The following AGAP1 variants were observed in gnomAD, a reference collection of about 807,000 sequenced individuals.
AGAP1 encodes the protein arf-GAP with GTPase, ANK repeat and PH domain-containing protein 1.
Under a neutral mutation model 105.3 loss-of-function variants are expected in AGAP1, and 29 were observed. That is an observed-to-expected ratio of 0.28 (90% CI 0.21 to 0.38). AGAP1 has a LOEUF of 0.38. Ranked by LOEUF, AGAP1 falls within the 10% of genes least tolerant of loss-of-function variation. The pLI is 1.00. For missense variants in AGAP1, 998 were observed against 1,165.1 expected, an observed-to-expected ratio of 0.86 and a Z score of 2.09; for synonymous variants, 509 against 485.9, an observed-to-expected ratio of 1.05 and a Z score of -0.63.
In AGAP1 at chr2:235,664,457, A is replaced by G. The variant is rs1948063893; in HGVS notation, c.164-44722A>G. On this transcript the variant is annotated intron_variant, in intron 1 of 17. Coordinates refer to ENST00000304032, the MANE Select transcript of AGAP1 (RefSeq NM_001037131.3). The surrounding 1 kb of genome is among the most constrained non-coding windows in gnomAD (Gnocchi z 5.7). Reference sequence around the variant, plus strand: ...GGTCTCAAACTCCTGATCTCAGGTGATCCACCTGCCTTGGCCTCCCAAAGT... The same window carrying G: ...GGTCTCAAACTCCTGATCTCAGGTGGTCCACCTGCCTTGGCCTCCCAAAGT... Among the ~76,000 whole-genome samples the G allele has an allele frequency of 6.6e-6, 1 of 152,112 alleles. No homozygotes were observed. Among genetic ancestry groups the G allele is most frequent in the African/African-American group, 2.4e-5 (1 of 41,418 alleles).
At chr2:236,116,965 A>G (rs998026189) in intron 16 of AGAP1, among the ~76,000 whole-genome samples, 11 of 152,116 alleles carry the variant, frequency 7.2e-5, no homozygotes, top group Non-Finnish European at 1.5e-4. Context: ...ATTCCGTCGT[A>G]TATGTATATA....
chr2:235,520,691 A>G (rs865947255), intron 1 of AGAP1, among the ~76,000 whole-genome samples: 5 of 152,122 alleles, frequency 3.3e-5, no homozygotes, highest in African/African-American at 1.2e-4. Flanking sequence ...GTTTAAGATG[A>G]GATAATTCTA....
chr2:235,923,499 T>C (rs1354622816), intron 11 of AGAP1, among the ~76,000 whole-genome samples: 2 of 148,546 alleles, frequency 1.3e-5, no homozygotes, highest in African/African-American at 5.0e-5. Context: ...GACCCCTTCC[T>C]GTCCCGTGCA....
intron 16 of AGAP1, among the ~76,000 whole-genome samples, chr2:236,097,317 C>CG (rs1467996895): frequency 1.2e-3 from 182 of 149,570 alleles, no homozygotes; most frequent in African/African-American, 4.4e-3. Flanking sequence ...AGCAAAGGAG[C>CG]ACCAGATTCT....
intron 6 of AGAP1, among the ~76,000 whole-genome samples, chr2:235,778,684 T>C (rs1956066540): frequency 6.6e-6 from 1 of 152,180 alleles, no homozygotes; most frequent in African/African-American, 2.4e-5. Context: ...CTGGTGATGA[T>C]AGAGGTCCTG....
chr2:235,935,618 A>G (rs899256092), intron 12 of AGAP1, among the ~76,000 whole-genome samples: 1 of 152,204 alleles, frequency 6.6e-6, no homozygotes, highest in African/African-American at 2.4e-5. Flanking sequence ...CCACCAACTT[A>G]TAATCCTGGG....
Position 235,951,714 on chromosome 2 carries a change from C to T in AGAP1, c.1484-16748C>T, listed in dbSNP as rs1173829724. On this transcript the variant is annotated intron_variant, in intron 12 of 17. Coordinates refer to ENST00000304032, the MANE Select transcript of AGAP1 (RefSeq NM_001037131.3). The surrounding 1 kb of genome is among the most constrained non-coding windows in gnomAD (Gnocchi z 4.2). ...GGGAATCGCTTGTTGTCTGTTGGTA[C>T]AAAATAAACATTTCCTCCTATCCTG... Among the ~76,000 whole-genome samples, 1 of 152,142 alleles carries T rather than the reference C, an allele frequency of 6.6e-6. No homozygotes were observed. The highest frequency in any genetic ancestry group is 2.4e-5 in the African/African-American group (1 of 41,424).
At chr2:235,851,881 C>T (rs1293314272) in intron 9 of AGAP1, among the ~76,000 whole-genome samples, 4 of 152,184 alleles carry the variant, frequency 2.6e-5, no homozygotes, top group African/African-American at 9.7e-5. Context: ...TGGCGACAAG[C>T]AGTAAGGAAA....
chr2:235,803,195 G>A (rs1957667992), intron 8 of AGAP1, among the ~76,000 whole-genome samples: 2 of 141,128 alleles, frequency 1.4e-5, no homozygotes, highest in South Asian at 4.7e-4. Context: ...TGATGGTTGT[G>A]GTGGTAGTGG....
chr2:235,907,156 A>G (rs142606615), intron 10 of AGAP1, among the ~76,000 whole-genome samples: 215 of 152,356 alleles, frequency 1.4e-3, no homozygotes, highest in Non-Finnish European at 2.1e-3. Context: ...TCCCTGAGAC[A>G]GAGGCTTCCG....
rs928801512 is a variant in AGAP1 at position 236,119,739 on chromosome 2, G to A, written c.2115-453G>A. 6.6e-6 allele frequency among the ~76,000 whole-genome samples: 1 copy of A among 152,204 alleles called. No individual in the cohort carries two copies. Among genetic ancestry groups the A allele is most frequent in the Non-Finnish European group, 1.5e-5 (1 of 68,044 alleles). Reference sequence around the variant, plus strand: ...CATCGTGCTGGTCCCAGGCAGTAGGGTGGTTTCCCCTGTGCATCGGTGTGT... The same window carrying A: ...CATCGTGCTGGTCCCAGGCAGTAGGATGGTTTCCCCTGTGCATCGGTGTGT... On this transcript the variant is annotated intron_variant, in intron 16 of 17. Coordinates refer to ENST00000304032, the MANE Select transcript of AGAP1 (RefSeq NM_001037131.3). The surrounding 1 kb of genome is among the most constrained non-coding windows in gnomAD (Gnocchi z 6.6).
chr2:235,952,610 T>TTA (rs1553688077), intron 12 of AGAP1, among the ~76,000 whole-genome samples: 123 of 152,062 alleles, frequency 8.1e-4, no homozygotes, highest in African/African-American at 2.8e-3. Context: ...TGTTTTTTTT[T>TTA]AAAAAAAACT....
Position 235,663,425 on chromosome 2 carries a change from A to AT in AGAP1, c.164-45754_164-45753insT, listed in dbSNP as rs1467727962. Reference sequence around the variant, plus strand: ...TTTTGTTTTCTACATTTAGAGGAAAAATATACATCAAATATTCAAGTCCCC... The same window carrying AT: ...TTTTGTTTTCTACATTTAGAGGAAAATATATACATCAAATATTCAAGTCCCC... On this transcript the variant is annotated intron_variant, in intron 1 of 17. Coordinates refer to ENST00000304032, the MANE Select transcript of AGAP1 (RefSeq NM_001037131.3). The surrounding 1 kb of genome is among the most constrained non-coding windows in gnomAD (Gnocchi z 5.4). Among the ~76,000 whole-genome samples, 1 of 152,198 alleles carries AT rather than the reference A, an allele frequency of 6.6e-6. No individual in the cohort carries two copies. The highest frequency in any genetic ancestry group is 1.5e-5 in the Non-Finnish European group (1 of 68,032).
In AGAP1 at chr2:235,875,221, G is replaced by T. The variant is rs1207186181; in HGVS notation, c.1051-8124G>T. ...CCTGTTTCTGTATCTGCCAACCAGA[G>T]AGCAACTCCCGTTGTTTGTTTTCAC... On this transcript the variant is annotated intron_variant, in intron 9 of 17. Coordinates refer to ENST00000304032, the MANE Select transcript of AGAP1 (RefSeq NM_001037131.3). The surrounding 1 kb of genome is among the most constrained non-coding windows in gnomAD (Gnocchi z 4.0). Among the ~76,000 whole-genome samples the T allele has an allele frequency of 6.6e-6, 1 of 152,206 alleles. No homozygotes were observed. Among genetic ancestry groups the T allele is most frequent in the African/African-American group, 2.4e-5 (1 of 41,442 alleles).
At position 235,905,243 on chromosome 2, in the gene AGAP1, A is replaced by G. The variant is rs916552668; in HGVS notation, c.1156-3495A>G. 6.6e-5 allele frequency among the ~76,000 whole-genome samples: 10 copies of G among 152,248 alleles called. No homozygotes were observed. The highest frequency in any genetic ancestry group is 1.0e-4 in the Non-Finnish European group (7 of 68,048). The stretch of plus-strand genomic sequence containing the variant: ...TAGAGCCCATAAGCAATAAATGCTC[A>G]ATTACACTCCTGTTATTGTATTTTA... On this transcript the variant is annotated intron_variant, in intron 10 of 17. Coordinates refer to ENST00000304032, the MANE Select transcript of AGAP1 (RefSeq NM_001037131.3). This position sits in a 1 kb window ranked among gnomAD's most constrained non-coding sequence, Gnocchi z 4.2.
In AGAP1 at chr2:235,789,319, A is replaced by T. The variant is rs181872025; in HGVS notation, c.674-8440A>T. 1.3e-5 allele frequency among the ~76,000 whole-genome samples: 2 copies of T among 152,292 alleles called. No homozygotes were observed. Among genetic ancestry groups the T allele is most frequent in the Non-Finnish European group, 2.9e-5 (2 of 68,028 alleles). On this transcript the variant is annotated intron_variant, in intron 6 of 17. Transcript: ENST00000304032. This position sits in a 1 kb window ranked among gnomAD's most constrained non-coding sequence, Gnocchi z 4.2. Reference sequence around the variant, plus strand: ...TCTGAAATTAACGTCAGCAGCCTTGACTTTGCTCTGTCCTGAAGGTAACTG... The same window carrying T: ...TCTGAAATTAACGTCAGCAGCCTTGTCTTTGCTCTGTCCTGAAGGTAACTG...
At chr2:235,598,444 G>A (rs549980360) in intron 1 of AGAP1, among the ~76,000 whole-genome samples, 31 of 152,278 alleles carry the variant, frequency 2.0e-4, no homozygotes, top group African/African-American at 7.5e-4. Context: ...TAAGCCATAG[G>A]AGCTTAACTC....
Position 235,631,900 on chromosome 2 carries a change from C to A in AGAP1, c.164-77279C>A, listed in dbSNP as rs1401766465. Among the ~76,000 whole-genome samples the A allele has an allele frequency of 6.6e-6, 1 of 152,162 alleles. No individual in the cohort carries two copies. The highest frequency in any genetic ancestry group is 1.9e-4 in the East Asian group (1 of 5,176). Reference sequence around the variant, plus strand: ...AGCTTCTGGAAGGCCTGCCTTTGACCCTTCCTTTCTGCTTTTTCCATCTGT... The same window carrying A: ...AGCTTCTGGAAGGCCTGCCTTTGACACTTCCTTTCTGCTTTTTCCATCTGT... On this transcript the variant is annotated intron_variant, in intron 1 of 17. Transcript: ENST00000304032. The surrounding 1 kb of genome is among the most constrained non-coding windows in gnomAD (Gnocchi z 5.4).
chr2:235,613,350 G>A (rs1359038397), intron 1 of AGAP1, among the ~76,000 whole-genome samples: 1 of 152,170 alleles, frequency 6.6e-6, no homozygotes, highest in Non-Finnish European at 1.5e-5. Context: ...GGGGATGTAA[G>A]CACCTTTTAA....
Sources: allele counts gnomAD v4.1 joint callset (sites outside exome capture counted in the v4.1 genomes callset), GRCh38; gene constraint gnomAD v4.1.1; non-coding constraint Gnocchi (gnomAD v3.1); transcripts MANE v1.5; gene names NCBI Gene and HGNC (gene_info 2026-07-23, HGNC 2026-07-21).